The following TOR1AIP2 variants were observed in gnomAD, a reference collection of about 807,000 sequenced individuals.
The protein encoded by TOR1AIP2 is torsin-1A-interacting protein 2.
Under a neutral mutation model 32.6 loss-of-function variants are expected in TOR1AIP2, and 20 were observed. The ratio of observed to expected loss-of-function variants is 0.61; its 90% CI spans 0.43 to 0.89. TOR1AIP2 has a LOEUF of 0.89. TOR1AIP2 is among the 40% of genes least tolerant of loss of function. The pLI is 0.00. For missense variants in TOR1AIP2, 456 were observed against 553.8 expected (o/e 0.82, Z 1.77); for synonymous variants, 214 against 210.8 (o/e 1.02, Z -0.13).
intron 3 of TOR1AIP2, chr1:179,864,751 T>C (rs1433425422): frequency 6.5e-7 from 1 of 1,548,330 alleles, no homozygotes; most frequent in South Asian, 1.3e-5. Flanking sequence ...CAAAAGCCTC[T>C]AGACTTGACA....
intron 2 of TOR1AIP2, among the ~76,000 whole-genome samples, chr1:179,873,454 T>C (rs1342422950): frequency 6.6e-6 from 1 of 152,228 alleles, no homozygotes; most frequent in Non-Finnish European, 1.5e-5. Context: ...GCTGTGTCCT[T>C]CTCACTGCCT....
intron 3 of TOR1AIP2, among the ~76,000 whole-genome samples, chr1:179,857,487 T>C (rs1378146825): frequency 6.7e-6 from 1 of 150,316 alleles, no homozygotes; most frequent in East Asian, 1.9e-4. Flanking sequence ...CCTCAACTGC[T>C]TGGGACACAG....
In TOR1AIP2 at chr1:179,846,475, A is replaced by G. The variant is rs779325660; in HGVS notation, c.1009T>C (p.Trp337Arg). The G allele has an allele frequency of 6.2e-7, 1 of 1,614,064 alleles. No homozygotes were observed. Among genetic ancestry groups the G allele is most frequent in the African/African-American group, 1.3e-5 (1 of 74,920 alleles). Residue 337 changes from tryptophan to arginine, a missense_variant, in exon 7 of 7, where the codon TGG becomes CGG. Coordinates refer to ENST00000609928, the MANE Select transcript of TOR1AIP2 (RefSeq NM_001199260.2). ...PIQIDGAGRT[W>R]QDSDTVKLLV... ...AGCTTGACCGTGTCACTGTCCTGCC[A>G]GGTCCTTCCAGCCCCATCAATCTGA...
intron 2 of TOR1AIP2, chr1:179,873,764 G>A (rs1697094093): frequency 1.3e-5 from 2 of 152,170 alleles, no homozygotes; most frequent in South Asian, 4.1e-4. Context: ...TATTCACTCA[G>A]CAATATCAGT....
intron 3 of TOR1AIP2, chr1:179,862,330 C>T (rs1426170596): frequency 1.0e-6 from 1 of 984,708 alleles, no homozygotes; most frequent in Non-Finnish European, 1.2e-6. Context: ...GATCATAATA[C>T]TATTCTCGAA....
intron 3 of TOR1AIP2, among the ~76,000 whole-genome samples, chr1:179,855,162 A>G (rs1041895037): frequency 6.6e-6 from 1 of 152,228 alleles, no homozygotes; most frequent in Non-Finnish European, 1.5e-5. Context: ...AGAATATCAA[A>G]TATCTTTATA....
At chr1:179,863,866 A>G (rs1169968530) in intron 3 of TOR1AIP2, 10 of 985,186 alleles carry the variant, frequency 1.0e-5, no homozygotes, top group Non-Finnish European at 1.2e-5. Context: ...CTTAACCCCA[A>G]CTCTGGGTCC....
intron 3 of TOR1AIP2, among the ~76,000 whole-genome samples, chr1:179,853,808 TAAAG>T (rs1696202472): frequency 6.6e-6 from 1 of 152,162 alleles, no homozygotes; most frequent in Admixed American, 6.5e-5. Context: ...AATGTATAAA[TAAAG>T]AGTGATGCCA....
At chr1:179,864,542 G>A (rs898391515) in intron 3 of TOR1AIP2, 39 of 1,227,858 alleles carry the variant, frequency 3.2e-5, no homozygotes, top group Non-Finnish European at 3.8e-5. Context: ...TAGGAAATAC[G>A]GATTAGCCTC....
intron 3 of TOR1AIP2, chr1:179,860,864 C>G: frequency 4.1e-6 from 4 of 985,442 alleles, no homozygotes; most frequent in Non-Finnish European, 4.8e-6. Flanking sequence ...CGGCTCATCT[C>G]ACTTTTACAG....
In TOR1AIP2 at chr1:179,872,635, A is replaced by T. The variant is rs561582144; in HGVS notation, c.-566+4604T>A. On this transcript the variant is annotated intron_variant, in intron 2 of 6. Transcript: ENST00000609928. ...CACAGGAATTGAATGCCTGGCGCAG[A>T]TCAAATTCTACAGATATTTTCTGAG... Among the ~76,000 whole-genome samples, 8 of 152,346 alleles carry T rather than the reference A, an allele frequency of 5.3e-5. No individual in the cohort carries two copies. In the South Asian group the frequency reaches 1.7e-3, roughly 32 times the overall value.
chr1:179,850,166 A>G (rs1445017465), intron 5 of TOR1AIP2, among the ~76,000 whole-genome samples: 202 of 152,306 alleles, frequency 1.3e-3, no homozygotes, highest in African/African-American at 4.8e-3. Flanking sequence ...TTTTACAAAC[A>G]GGAAATTGAA....
chr1:179,862,323 CATA>C (rs1696572252), intron 3 of TOR1AIP2: 3 of 984,280 alleles, frequency 3.0e-6, no homozygotes, highest in African/African-American at 1.7e-5. Flanking sequence ...TAATACTGAT[CATA>C]ATACTATTCT....
In TOR1AIP2 at chr1:179,846,652, G is replaced by A. The variant is rs200952880; in HGVS notation, c.832C>T (p.Arg278Trp). The A allele has an allele frequency of 4.2e-5, 68 of 1,614,098 alleles. No homozygotes were observed. Among genetic ancestry groups the A allele is most frequent in the Middle Eastern group, 3.3e-4 (2 of 6,058 alleles). Residue 278 changes from arginine to tryptophan, a missense_variant, in exon 7 of 7, where the codon CGG becomes TGG. Arg to Trp is a moderately radical substitution (Grantham distance 101, BLOSUM62 -3). Coordinates refer to ENST00000609928, the MANE Select transcript of TOR1AIP2 (RefSeq NM_001199260.2). ...GQSSFLWQRG[R>W]KFLQKHLNAS... ...TTGAGGTGCTTCTGGAGAAACTTCC[G>A]TCCTCTCTGCCACAGGAAGGAACTC...
At chr1:179,860,053 G>A in intron 3 of TOR1AIP2, 1 of 829,060 alleles carries the variant, frequency 1.2e-6, no homozygotes, top group South Asian at 5.5e-5. Context: ...TCACTATGTT[G>A]CTCAGGCTTG....
At chr1:179,854,106 C>CA (rs1297258450) in intron 3 of TOR1AIP2, among the ~76,000 whole-genome samples, 1 of 151,982 alleles carries the variant, frequency 6.6e-6, no homozygotes, top group African/African-American at 2.4e-5. Flanking sequence ...GTACCAATAA[C>CA]AAAAATTTTC....
At chr1:179,861,269 T>G in intron 3 of TOR1AIP2, 2 of 984,784 alleles carry the variant, frequency 2.0e-6, no homozygotes, top group Non-Finnish European at 2.4e-6. Context: ...GCATTTATAT[T>G]TTAATAAAAT....
intron 2 of TOR1AIP2, chr1:179,876,320 GTTAAT>G (rs1462201343): frequency 1.3e-5 from 2 of 152,092 alleles, no homozygotes; most frequent in Admixed American, 1.3e-4. Context: ...ACATTCTGAA[GTTAAT>G]TTATTTATAA....
chr1:179,858,601 T>A (rs1252677337), intron 3 of TOR1AIP2, among the ~76,000 whole-genome samples: 1 of 152,072 alleles, frequency 6.6e-6, no homozygotes, highest in East Asian at 1.9e-4. Flanking sequence ...AAATTAAGTA[T>A]CAAAAGGAAA....
Sources: allele counts gnomAD v4.1 joint callset (sites outside exome capture counted in the v4.1 genomes callset), GRCh38; gene constraint gnomAD v4.1.1; transcripts MANE v1.5; gene names NCBI Gene and HGNC (gene_info 2026-07-23, HGNC 2026-07-21).